CDK8: variants seen among roughly 807,000 people sequenced by gnomAD.
The protein encoded by CDK8 is cyclin-dependent kinase 8.
A neutral mutation model predicts 71.5 loss-of-function variants in CDK8; 29 were observed. The observed-to-expected ratio is 0.41, with a 90% confidence interval of 0.30 to 0.55. The LOEUF (loss-of-function observed/expected upper bound fraction) is 0.55. Among genes scored for constraint, CDK8 ranks in the 20% least tolerant of loss-of-function variants. The pLI is 0.37. For synonymous variants in CDK8, 161 were observed against 192.1 expected, an observed-to-expected ratio of 0.84 and a Z score of 1.34; for missense variants, 288 against 572.6, an observed-to-expected ratio of 0.50 and a Z score of 5.07.
intron 1 of CDK8, among the ~76,000 whole-genome samples, chr13:26,312,422 G>C (rs1874329146): frequency 6.6e-6 from 1 of 152,154 alleles, no homozygotes; most frequent in Admixed American, 6.5e-5. Flanking sequence ...CACCGTGAGG[G>C]TCTGCGGCTT....
chr13:26,305,804 T>C (rs1476679106), intron 1 of CDK8, among the ~76,000 whole-genome samples: 3 of 152,226 alleles, frequency 2.0e-5, no homozygotes, highest in African/African-American at 7.2e-5. Flanking sequence ...TCCTCAAAAA[T>C]CTGTGTTCTA....
intron 4 of CDK8, among the ~76,000 whole-genome samples, chr13:26,380,834 GA>G (rs1218491179): frequency 6.6e-6 from 1 of 152,108 alleles, no homozygotes; most frequent in African/African-American, 2.4e-5. Context: ...AGACCCTTTT[GA>G]AAAGGTTCAT....
chr13:26,363,146 C>A (rs1874225253), intron 4 of CDK8, among the ~76,000 whole-genome samples: 2 of 149,546 alleles, frequency 1.3e-5, no homozygotes, highest in African/African-American at 2.5e-5. Flanking sequence ...ACGGTGAAAC[C>A]CCATCTCTGC....
rs140445997 is a variant in CDK8, at chr13:26,315,898, G to A, written c.129-21669G>A. Among the ~76,000 whole-genome samples the A allele has an allele frequency of 2.0e-4, 31 of 152,310 alleles. No individual in the cohort carries two copies. The East Asian group carries it at 4.8e-3, about 24-fold the overall frequency. On this transcript the variant is annotated intron_variant, in intron 1 of 12. Coordinates refer to ENST00000381527, the MANE Select transcript of CDK8 (RefSeq NM_001260.3). ...CAGTTGCACTGGCGGAATCTGTCCT[G>A]TGTAACATATATTTTGGAACCCTGG...
chr13:26,287,785 GTAA>G (rs1566472671), intron 1 of CDK8, among the ~76,000 whole-genome samples: 1 of 151,988 alleles, frequency 6.6e-6, no homozygotes, highest in Non-Finnish European at 1.5e-5. Context: ...GAAGTCAAAA[GTAA>G]TAATACCATA....
intron 1 of CDK8, among the ~76,000 whole-genome samples, chr13:26,325,176 C>T (rs764128425): frequency 2.2e-4 from 33 of 152,138 alleles, no homozygotes; most frequent in African/African-American, 7.7e-4. Context: ...CAGGAACTTC[C>T]CCCAAATTGC....
chr13:26,301,768 T>G (rs1410782853), intron 1 of CDK8, among the ~76,000 whole-genome samples: 1 of 152,224 alleles, frequency 6.6e-6, no homozygotes, highest in Non-Finnish European at 1.5e-5. Context: ...TCCAATTCCC[T>G]TCCTTGATGA....
chr13:26,285,649 A>G (rs533614164), intron 1 of CDK8, among the ~76,000 whole-genome samples: 12 of 152,324 alleles, frequency 7.9e-5, no homozygotes, highest in Admixed American at 2.0e-4. Context: ...CAGAGCAGTC[A>G]GACAAGAGAA....
intron 10 of CDK8, among the ~76,000 whole-genome samples, chr13:26,400,884 T>C (rs1170691101): frequency 1.3e-5 from 2 of 152,152 alleles, no homozygotes; most frequent in Non-Finnish European, 2.9e-5. Context: ...CCCAAATGTG[T>C]TCCCTATACC....
chr13:26,263,098 G>A (rs1304964622), intron 1 of CDK8, among the ~76,000 whole-genome samples: 1 of 152,076 alleles, frequency 6.6e-6, no homozygotes, highest in South Asian at 2.1e-4. Context: ...TATTAAACAA[G>A]TCATATTTTT....
intron 1 of CDK8, among the ~76,000 whole-genome samples, chr13:26,329,470 T>C (rs1335068094): frequency 5.2e-5 from 3 of 58,212 alleles, no homozygotes; most frequent in Non-Finnish European, 1.0e-4. Flanking sequence ...CCTATTTCTG[T>C]TTTTTTTTTT....
intron 5 of CDK8, among the ~76,000 whole-genome samples, chr13:26,384,387 A>C (rs533614298): frequency 7.9e-5 from 12 of 152,346 alleles, no homozygotes; most frequent in Non-Finnish European, 1.3e-4. Flanking sequence ...AATAGTGATC[A>C]TTCAACATGT....
intron 1 of CDK8, among the ~76,000 whole-genome samples, chr13:26,257,460 CT>C (rs1871573435): frequency 2.0e-5 from 3 of 152,222 alleles, no homozygotes; most frequent in South Asian, 4.1e-4. Context: ...CCTTTTATAA[CT>C]TTGTTAATTT....
chr13:26,343,999 G>C (rs1037718660), intron 2 of CDK8, among the ~76,000 whole-genome samples: 1 of 152,050 alleles, frequency 6.6e-6, no homozygotes, highest in Non-Finnish European at 1.5e-5. Context: ...TCATCACCCA[G>C]ATAAGGAGCA....
At position 26,353,181 on chromosome 13, in the gene CDK8, A is replaced by G. The variant is rs201635613; in HGVS notation, c.316-559A>G. Among the ~76,000 whole-genome samples the G allele has an allele frequency of 3.3e-5, 5 of 152,260 alleles. No homozygotes were observed. In the East Asian group the frequency reaches 5.8e-4, roughly 18 times the overall value. On this transcript the variant is annotated intron_variant, in intron 3 of 12. Coordinates refer to ENST00000381527, the MANE Select transcript of CDK8 (RefSeq NM_001260.3). ...TACTGGATGTCTAACAACATTATAC[A>G]TAGAAAGCTTTGATGGATGGTACAA...
At chr13:26,283,507 C>T (rs1469276664) in intron 1 of CDK8, among the ~76,000 whole-genome samples, 1 of 152,088 alleles carries the variant, frequency 6.6e-6, no homozygotes, top group African/African-American at 2.4e-5. Flanking sequence ...ACTCTGGAGA[C>T]TGAGGGAGGA....
chr13:26,263,029 T>C (rs1473641964), intron 1 of CDK8, among the ~76,000 whole-genome samples: 1 of 152,240 alleles, frequency 6.6e-6, no homozygotes. Flanking sequence ...ATAGGTTGTT[T>C]AGAGGACTAA....
intron 4 of CDK8, among the ~76,000 whole-genome samples, chr13:26,371,025 A>T (rs571636146): frequency 6.6e-6 from 1 of 152,146 alleles, no homozygotes; most frequent in South Asian, 2.1e-4. Flanking sequence ...GGGGCATCTC[A>T]TGGGTGGTAT....
At chr13:26,399,955 G>A (rs1352039361) in intron 9 of CDK8, 1 of 158,166 alleles carries the variant, frequency 6.3e-6, no homozygotes, top group Non-Finnish European at 1.4e-5. Flanking sequence ...CACTTTCTGT[G>A]ATGATCTGCA....
Sources: allele counts gnomAD v4.1 joint callset (sites outside exome capture counted in the v4.1 genomes callset), GRCh38; gene constraint gnomAD v4.1.1; transcripts MANE v1.5; gene names NCBI Gene and HGNC (gene_info 2026-07-23, HGNC 2026-07-21).